Variants in ADGRV1 observed in about 807,000 individuals in gnomAD.
ADGRV1 encodes adhesion G protein-coupled receptor V1.
A neutral mutation model predicts 596.2 loss-of-function variants in ADGRV1; 359 were observed. The observed-to-expected ratio is 0.60, with a 90% confidence interval of 0.55 to 0.66. ADGRV1 has a LOEUF of 0.66. Among genes scored for constraint, ADGRV1 ranks in the 30% least tolerant of loss-of-function variants. The pLI, the probability that ADGRV1 is intolerant of heterozygous loss-of-function variation, is 0.00. For missense variants in ADGRV1, 7,274 were observed against 7,575.6 expected (o/e 0.96, Z 1.48); for synonymous variants, 2,681 against 2,679.2 (o/e 1.00, Z -0.02).
chr5:90,662,673 C>T (rs541360461), intron 21 of ADGRV1, among the ~76,000 whole-genome samples: 2 of 151,290 alleles, frequency 1.3e-5, no homozygotes, highest in East Asian at 3.9e-4. Context: ...AGGTTAGTTA[C>T]ATATGTATAC....
chr5:91,121,592 A>G (rs1195221294), intron 87 of ADGRV1, among the ~76,000 whole-genome samples: 2 of 152,162 alleles, frequency 1.3e-5, no homozygotes, highest in Non-Finnish European at 2.9e-5. Context: ...CAGTTTGGGC[A>G]AGATTCGAGC....
In ADGRV1 at chr5:90,777,518, A is replaced by G. The variant is rs1053091472; in HGVS notation, c.12528-387A>G. Among the ~76,000 whole-genome samples, 3 of 152,154 alleles carry G rather than the reference A, an allele frequency of 2.0e-5. No homozygotes were observed. The East Asian group carries it at 5.8e-4, about 29-fold the overall frequency. On this transcript the variant is annotated intron_variant, in intron 61 of 89. Coordinates refer to ENST00000405460, the MANE Select transcript of ADGRV1 (RefSeq NM_032119.4). Reference sequence around the variant, plus strand: ...CTCATGGTAGTTATCCAGAAGTAAGACTATCCCTTCCCATCAGCATGCCCT... The same window carrying G: ...CTCATGGTAGTTATCCAGAAGTAAGGCTATCCCTTCCCATCAGCATGCCCT...
intron 64 of ADGRV1, among the ~76,000 whole-genome samples, chr5:90,780,455 G>A (rs1758717559): frequency 2.0e-5 from 3 of 152,110 alleles, no homozygotes. Context: ...GGAATTGAAG[G>A]AAGGACTAAA....
chr5:90,961,511 G>GC (rs1356547419), intron 83 of ADGRV1, among the ~76,000 whole-genome samples: 19 of 145,448 alleles, frequency 1.3e-4, no homozygotes, highest in Non-Finnish European at 2.3e-4. Flanking sequence ...AAAAAAAGGG[G>GC]GGGTGGCGGT....
intron 85 of ADGRV1, among the ~76,000 whole-genome samples, chr5:91,039,592 A>G (rs529037487): frequency 9.8e-5 from 15 of 152,318 alleles, no homozygotes; most frequent in African/African-American, 3.6e-4. Context: ...AACATGGGGA[A>G]ATAAAGATGG....
At chr5:90,820,397 G>C (rs1294433310) in intron 75 of ADGRV1, among the ~76,000 whole-genome samples, 3 of 149,196 alleles carry the variant, frequency 2.0e-5, no homozygotes. Flanking sequence ...CTTTTAATTG[G>C]AGCATTTAGT....
chr5:90,887,173 C>T (rs369413099), intron 83 of ADGRV1, among the ~76,000 whole-genome samples: 3 of 152,142 alleles, frequency 2.0e-5, no homozygotes, highest in South Asian at 4.1e-4. Flanking sequence ...AATCTACCAC[C>T]CACACCACAC....
At chr5:90,777,857 G>C (rs2150076216) in intron 61 of ADGRV1, 48 bp from the exon 62 acceptor site, 1 of 1,478,366 alleles carries the variant, frequency 6.8e-7, no homozygotes, top group African/African-American at 1.4e-5. Flanking sequence ...TTTAAGAAAA[G>C]TACCTTCAAC....
intron 78 of ADGRV1, among the ~76,000 whole-genome samples, chr5:90,843,832 G>A (rs1311170787): frequency 6.6e-6 from 1 of 152,026 alleles, no homozygotes; most frequent in African/African-American, 2.4e-5. Flanking sequence ...CCATTATGAG[G>A]GGCCTGACTA....
At chr5:90,655,425 A>T (rs565491350) in intron 20 of ADGRV1, 1 of 152,160 alleles carries the variant, frequency 6.6e-6, no homozygotes, top group South Asian at 2.1e-4. Flanking sequence ...AACACAATTT[A>T]TTTATTAGTG....
Position 90,627,481 on chromosome 5 carries a change from C to T in ADGRV1, c.943C>T (p.His315Tyr). The part of the protein sequence containing the change: ...YAVTTGNSTA[H>Y]AQQNLDFIDL... ...TGTCACAACTGGGAATTCCACAGCA[C>T]ATGCCCAGCAAAATCTGGACTTCAT... The change falls in exon 7 of 90, where the codon CAT (histidine) becomes TAT (tyrosine). Residue 315 changes from histidine (H) to tyrosine (Y), a missense_variant. Physicochemically the swap from His to Tyr is moderately conservative, Grantham distance 83. Around this residue, in one of 5 missense-constraint regions of ADGRV1, gnomAD observed 1,715 missense variants for 1,708.8 expected, o/e 1.00. Transcript: ENST00000405460. 1 of 1,613,970 alleles carries T rather than the reference C, an allele frequency of 6.2e-7. No homozygotes were observed. Among genetic ancestry groups the T allele is most frequent in the South Asian group, 1.1e-5 (1 of 91,068 alleles).
At chr5:91,137,090 T>C (rs1794700138) in intron 87 of ADGRV1, among the ~76,000 whole-genome samples, 1 of 152,196 alleles carries the variant, frequency 6.6e-6, no homozygotes, top group Admixed American at 6.5e-5. Context: ...AAATTGGCTA[T>C]GCAATAAATA....
At position 91,164,318 on chromosome 5, in the gene ADGRV1, C is replaced by A; in HGVS notation, c.*418C>A. 1 of 262,874 alleles carries A rather than the reference C, an allele frequency of 3.8e-6. No individual in the cohort carries two copies. Among genetic ancestry groups the A allele is most frequent in the East Asian group, 9.2e-5 (1 of 10,828 alleles). 16.3% of individuals were successfully genotyped at this position (262,874 alleles called of 1,614,324 possible). A position where few individuals can be genotyped will look rare whatever the true frequency, so the allele number is the denominator to read the frequency against. On this transcript the variant is annotated 3_prime_UTR_variant, in exon 90 of 90. Transcript: ENST00000405460. ...ATGACAAGCACCCTGTGCCATCTTG[C>A]ATGAATCCAGGTGATCCAGATTCAA...
intron 1 of ADGRV1, among the ~76,000 whole-genome samples, chr5:90,565,685 G>A (rs1454864618): frequency 1.3e-5 from 2 of 152,012 alleles, no homozygotes; most frequent in Non-Finnish European, 2.9e-5. Context: ...TAAGTTTTTT[G>A]TTCTCGTAGT....
At position 90,791,133 on chromosome 5, in the gene ADGRV1, G is replaced by T. The variant is rs373822878; in HGVS notation, c.14304G>T (p.Ser4768=). 1.2e-6 allele frequency: 2 copies of T among 1,613,848 alleles called. No homozygotes were observed. Among genetic ancestry groups the T allele is most frequent in the South Asian group, 1.1e-5 (1 of 91,076 alleles). The change falls in exon 70 of 90, where the codon TCG becomes TCT. Residue 4768 remains serine, a synonymous_variant. Transcript: ENST00000405460. The part of the protein sequence containing the change: ...DDPHGVFALY[S]DRQSILIGQN... Reference sequence around the variant, plus strand: ...CACATGGAGTATTTGCCCTGTATTCGGATCGCCAGTCAATACTTATTGGGC... The same window carrying T: ...CACATGGAGTATTTGCCCTGTATTCTGATCGCCAGTCAATACTTATTGGGC...
rs200239656 is a variant in ADGRV1, at chr5:90,823,410, G to A, written c.16197-15G>A. ...ACACCCTCTGTTAAGGCATTGGTGG[G>A]TTTCTTGCTCACAGGGCCTTTGAAG... is the stretch of plus-strand genomic sequence containing the variant. On this transcript the variant is annotated splice_polypyrimidine_tract_variant and intron_variant, in intron 75 of 89. Coordinates refer to ENST00000405460, the MANE Select transcript of ADGRV1 (RefSeq NM_032119.4). The A allele has an allele frequency of 2.8e-5, 45 of 1,612,440 alleles. No homozygotes were observed. The highest frequency in any genetic ancestry group is 3.7e-5 in the Non-Finnish European group (44 of 1,179,400).
At chr5:90,713,185 T>A (rs1045326287) in intron 42 of ADGRV1, among the ~76,000 whole-genome samples, 2 of 152,104 alleles carry the variant, frequency 1.3e-5, no homozygotes, top group Non-Finnish European at 2.9e-5. Flanking sequence ...AAAATTTTAG[T>A]TTGATGAATA....
chr5:90,816,818 A>G (rs1474268928), intron 75 of ADGRV1, among the ~76,000 whole-genome samples: 1 of 151,688 alleles, frequency 6.6e-6, no homozygotes, highest in Non-Finnish European at 1.5e-5. Flanking sequence ...TCATTGTTGG[A>G]CATTTGGGTT....
Position 90,669,160 on chromosome 5 carries a change from C to G in ADGRV1, c.4753-3386C>G, listed in dbSNP as rs377130759. Reference sequence around the variant, plus strand: ...ATGAGGAAGCTCAGGACTGCTTGGCCTTAAAGCCATACTCTTTCCACCACA... The same window carrying G: ...ATGAGGAAGCTCAGGACTGCTTGGCGTTAAAGCCATACTCTTTCCACCACA... On this transcript the variant is annotated intron_variant, in intron 21 of 89. Coordinates refer to ENST00000405460, the MANE Select transcript of ADGRV1 (RefSeq NM_032119.4). 2.6e-5 allele frequency among the ~76,000 whole-genome samples: 4 copies of G among 152,206 alleles called. No individual in the cohort carries two copies. In the East Asian group the frequency reaches 7.7e-4, roughly 29 times the overall value.
Sources: gnomAD v4.1 joint callset for allele counts (sites outside exome capture counted in the v4.1 genomes callset) on GRCh38, gnomAD v4.1.1 for gene constraint, gnomAD v4.1.1 regional missense constraint, MANE v1.5 for transcripts, NCBI Gene and HGNC (gene_info 2026-07-23, HGNC 2026-07-21) for gene names.